The following ZNF407 variants were observed in gnomAD, a reference collection of about 807,000 sequenced individuals.
ZNF407 encodes zinc finger protein 407.
Under a neutral mutation model 131.2 loss-of-function variants are expected in ZNF407, and 17 were observed. The ratio of observed to expected loss-of-function variants is 0.13; its 90% CI spans 0.09 to 0.19. The LOEUF is 0.19. ZNF407 is among the 10% of genes least tolerant of loss of function. The pLI is 1.00. For synonymous variants in ZNF407, 1,156 were observed against 1,062.0 expected, an observed-to-expected ratio of 1.09 and a Z score of -1.72; for missense variants, 2,681 against 2,830.6, an observed-to-expected ratio of 0.95 and a Z score of 1.20.
chr18:74,835,627 GGGGTGTGTGTGTGTGT>G lies in ZNF407; in HGVS notation c.4878-41568_4878-41553del, dbSNP rs1238989807. 1.5e-4 allele frequency among the ~76,000 whole-genome samples: 18 copies of G among 117,510 alleles called. No individual in the cohort carries two copies. In the East Asian group the frequency reaches 3.3e-3, roughly 21 times the overall value. 77.1% of individuals were successfully genotyped at this position (117,510 alleles called of 152,430 possible). ...TGTGAGTTTGTGTCTTGGACAGAGG[GGGGTGTGTGTGTGTGT>G]GTGTGTGTGTGTGTGTGTGTGTGTA... On this transcript the variant is annotated intron_variant, in intron 4 of 8. Transcript: ENST00000299687.
intron 3 of ZNF407, among the ~76,000 whole-genome samples, chr18:74,644,534 T>G (rs1196240632): frequency 6.6e-6 from 1 of 151,916 alleles, no homozygotes; most frequent in Non-Finnish European, 1.5e-5. Context: ...CCATGTCTTG[T>G]TAAATTCTTT....
rs17055705 is a variant in ZNF407 at position 74,828,093 on chromosome 18, C to T, written c.4877+46591C>T. Among the ~76,000 whole-genome samples, 1,051 of 152,296 alleles carry T rather than the reference C, an allele frequency of 6.9e-3. 12 individuals carry two copies. The highest frequency in any genetic ancestry group is 0.024 in the African/African-American group (977 of 41,538). On this transcript the variant is annotated intron_variant, in intron 4 of 8. Coordinates refer to ENST00000299687, the MANE Select transcript of ZNF407 (RefSeq NM_017757.3). ...CTGCCTTTCTGCTCCATTCTGTACC[C>T]TCCTTTCTACTGCTATGCTTCCTTC... is the stretch of plus-strand genomic sequence containing the variant.
chr18:74,906,473 G>T (rs1400286965), intron 7 of ZNF407, among the ~76,000 whole-genome samples: 2 of 152,154 alleles, frequency 1.3e-5, no homozygotes, highest in Admixed American at 6.5e-5. Context: ...TACAATCTGG[G>T]TGTTTTTCAA....
At chr18:74,851,809 C>T (rs369358398) in intron 4 of ZNF407, among the ~76,000 whole-genome samples, 32 of 152,138 alleles carry the variant, frequency 2.1e-4, no homozygotes, top group Admixed American at 1.7e-3. Context: ...CAGAACAAAA[C>T]GATGCAAAGT....
intron 8 of ZNF407, among the ~76,000 whole-genome samples, chr18:75,056,238 A>G (rs1973560598): frequency 6.6e-6 from 1 of 152,220 alleles, no homozygotes; most frequent in Admixed American, 6.5e-5. Flanking sequence ...CAAAGGCTAA[A>G]AATAATTCTT....
intron 8 of ZNF407, among the ~76,000 whole-genome samples, chr18:75,024,031 G>C (rs1973142683): frequency 6.6e-6 from 1 of 152,198 alleles, no homozygotes; most frequent in Admixed American, 6.5e-5. Flanking sequence ...AAGGAAAAAG[G>C]AGAGCATGTG....
intron 4 of ZNF407, among the ~76,000 whole-genome samples, chr18:74,813,274 C>G (rs922497115): frequency 1.8e-4 from 27 of 152,156 alleles, no homozygotes; most frequent in African/African-American, 5.3e-4. Flanking sequence ...CATAGCTTCT[C>G]TCTCCTCAGC....
chr18:74,971,397 A>C (rs1972470656), intron 8 of ZNF407, among the ~76,000 whole-genome samples: 1 of 152,178 alleles, frequency 6.6e-6, no homozygotes. Flanking sequence ...TTCCCTTATA[A>C]AACTGAATAC....
At chr18:74,783,388 T>C (rs557166875) in intron 4 of ZNF407, among the ~76,000 whole-genome samples, 1 of 152,310 alleles carries the variant, frequency 6.6e-6, no homozygotes, top group South Asian at 2.1e-4. Context: ...TTTTGGTTTT[T>C]ACTTAGAAAT....
At chr18:74,900,585 C>T (rs1270411021) in intron 7 of ZNF407, among the ~76,000 whole-genome samples, 14 of 152,186 alleles carry the variant, frequency 9.2e-5, no homozygotes, top group Non-Finnish European at 1.5e-5. Flanking sequence ...TCAATATAGT[C>T]TTTTAAACTG....
chr18:74,661,824 A>G (rs1008446518), intron 3 of ZNF407, among the ~76,000 whole-genome samples: 2 of 152,212 alleles, frequency 1.3e-5, no homozygotes, highest in Non-Finnish European at 2.9e-5. Context: ...TTTACTCCTC[A>G]TGCTAAATTT....
intron 8 of ZNF407, among the ~76,000 whole-genome samples, chr18:74,945,350 G>A (rs1194922775): frequency 6.6e-6 from 1 of 151,988 alleles, no homozygotes; most frequent in Non-Finnish European, 1.5e-5. Context: ...GCTTTTTGTC[G>A]GTATCACATT....
chr18:74,629,318 A>G (rs1034466408), intron 1 of ZNF407, among the ~76,000 whole-genome samples: 3 of 152,204 alleles, frequency 2.0e-5, no homozygotes, highest in African/African-American at 7.2e-5. Context: ...GATGTAGAGT[A>G]TCTTTTCATA....
At chr18:74,877,385 T>C in intron 5 of ZNF407, 22 bp downstream of exon 5, 1 of 1,607,818 alleles carries the variant, frequency 6.2e-7, no homozygotes, top group Non-Finnish European at 8.5e-7. Flanking sequence ...CGCCTTCCTA[T>C]CCCAGGAGGC....
intron 4 of ZNF407, among the ~76,000 whole-genome samples, chr18:74,867,368 T>C (rs983404735): frequency 6.6e-6 from 1 of 152,056 alleles, no homozygotes; most frequent in South Asian, 2.1e-4. Context: ...TTTTAAACAG[T>C]TTGTGGAATA....
chr18:74,681,962 A>G (rs1458820688), intron 3 of ZNF407, among the ~76,000 whole-genome samples: 1 of 152,236 alleles, frequency 6.6e-6, no homozygotes, highest in Non-Finnish European at 1.5e-5. Context: ...TTCTTATGAT[A>G]GAACCGTGTA....
Position 74,615,373 on chromosome 18 carries a change from C to T in ZNF407, c.-53-15594C>T, listed in dbSNP as rs947684187. 7.2e-5 allele frequency among the ~76,000 whole-genome samples: 11 copies of T among 152,126 alleles called. 1 individual carries two copies. Among genetic ancestry groups the T allele is most frequent in the South Asian group, 4.1e-4 (2 of 4,828 alleles). ...TACAAAAATTAGCTGCTTGTGGTGG[C>T]GCACGCCTGTAGTCCCAGCTACTCG... On this transcript the variant is annotated intron_variant, in intron 1 of 8. Coordinates refer to ENST00000299687, the MANE Select transcript of ZNF407 (RefSeq NM_017757.3).
chr18:74,892,111 A>G (rs150880189), intron 7 of ZNF407, among the ~76,000 whole-genome samples: 7 of 152,346 alleles, frequency 4.6e-5, no homozygotes, highest in Admixed American at 3.9e-4. Context: ...ATTATAATCT[A>G]TATTTACTTA....
intron 3 of ZNF407, among the ~76,000 whole-genome samples, chr18:74,776,102 G>C (rs943068447): frequency 6.6e-6 from 1 of 152,132 alleles, no homozygotes; most frequent in Admixed American, 6.6e-5. Context: ...TAATTAGTTG[G>C]AGCATTTGGG....
Sources: gnomAD v4.1 joint callset for allele counts (sites outside exome capture counted in the v4.1 genomes callset) on GRCh38, gnomAD v4.1.1 for gene constraint, MANE v1.5 for transcripts, NCBI Gene and HGNC (gene_info 2026-07-23, HGNC 2026-07-21) for gene names.